Variants in STARD13 observed in about 807,000 individuals in gnomAD.
The protein encoded by STARD13 is StAR related lipid transfer domain containing 13.
Under a neutral mutation model 106.4 loss-of-function variants are expected in STARD13, and 62 were observed. The observed-to-expected ratio is 0.58, with a 90% CI of 0.48 to 0.72. The LOEUF (loss-of-function observed/expected upper bound fraction) is 0.72, where lower values mean the gene tolerates loss of function less well. Ranked by LOEUF, STARD13 falls within the 30% of genes least tolerant of loss-of-function variation. The pLI, the probability that STARD13 is intolerant of heterozygous loss-of-function variation, is 0.00. For missense variants in STARD13, 1,387 were observed against 1,424.0 expected (o/e 0.97, Z 0.42); for synonymous variants, 565 against 553.0 (o/e 1.02, Z -0.31).
intron 1 of STARD13, among the ~76,000 whole-genome samples, chr13:33,246,847 C>A (rs1314344603): frequency 6.6e-6 from 1 of 152,114 alleles, no homozygotes; most frequent in Non-Finnish European, 1.5e-5. Context: ...GATAAAATTT[C>A]AAAAGACAGT....
chr13:33,568,666 A>G, the STARD13 span, among the ~76,000 whole-genome samples: 1 of 148,246 alleles, frequency 6.7e-6, no homozygotes, highest in Non-Finnish European at 1.5e-5. Context: ...AGAAAGTCCC[A>G]GGTTATAAAC....
At chr13:33,159,857 T>C (rs1410993263) in intron 3 of STARD13, among the ~76,000 whole-genome samples, 1 of 152,210 alleles carries the variant, frequency 6.6e-6, no homozygotes, top group African/African-American at 2.4e-5. Context: ...TAGAGACATA[T>C]ACTGTGTTTA....
intron 7 of STARD13, among the ~76,000 whole-genome samples, chr13:33,121,960 C>T (rs906140105): frequency 2.6e-5 from 4 of 152,108 alleles, no homozygotes; most frequent in Admixed American, 1.3e-4. Context: ...ATTCTCCTGC[C>T]TCAGCCCCCT....
chr13:33,386,094 A>G, the STARD13 span, among the ~76,000 whole-genome samples: 18 of 152,130 alleles, frequency 1.2e-4, no homozygotes, highest in East Asian at 3.1e-3. Context: ...CTTTTTCAAC[A>G]TTTTGTCTTG....
chr13:33,370,873 G>A, the STARD13 span, among the ~76,000 whole-genome samples: 6 of 151,650 alleles, frequency 4.0e-5, no homozygotes, highest in Non-Finnish European at 8.8e-5. Flanking sequence ...CTCCCACCTC[G>A]GCCTCCCAAA....
At position 33,112,923 on chromosome 13, in the gene STARD13, T is replaced by C; in HGVS notation, c.2290A>G (p.Lys764Glu). 6.2e-7 allele frequency: 1 copy of C among 1,605,520 alleles called. No individual in the cohort carries two copies. Among genetic ancestry groups the C allele is most frequent in the Non-Finnish European group, 8.5e-7 (1 of 1,176,606 alleles). ...TGCACGGCCTGCAGCCGCTGCTCTT[T>C]GGAGACATCTGAGGAAAAGTGGATG... ...TFLHIYQYVSKEQRLQAVQAA... is the reference protein window; with the variant it reads ...TFLHIYQYVSEEQRLQAVQAA... The change falls in exon 9 of 14, where the codon AAA becomes GAA. Residue 764 changes from lysine to glutamate, a missense_variant. Physicochemically the swap from Lys to Glu is moderately conservative, Grantham distance 56. Coordinates refer to ENST00000336934, the MANE Select transcript of STARD13 (RefSeq NM_178006.4).
At chr13:33,240,208 G>T (rs985325167) in intron 1 of STARD13, among the ~76,000 whole-genome samples, 7 of 152,098 alleles carry the variant, frequency 4.6e-5, no homozygotes, top group Non-Finnish European at 1.0e-4. Context: ...ACGAGGATTT[G>T]TTCCTTGGCT....
At chr13:33,600,306 C>T in the STARD13 span, among the ~76,000 whole-genome samples, 1 of 152,124 alleles carries the variant, frequency 6.6e-6, no homozygotes, top group Middle Eastern at 3.2e-3. Context: ...TGATTTGACC[C>T]AGGATTTTTT....
At position 33,148,833 on chromosome 13, in the gene STARD13, T is replaced by C. The variant is rs528362367; in HGVS notation, c.324-6460A>G. On this transcript the variant is annotated intron_variant, in intron 3 of 13. Transcript: ENST00000336934. ...GAAAACAACTGATATGTCAGGTGAA[T>C]GGATAAACTGTGGTCCATGTGGGCA... Among the ~76,000 whole-genome samples, 4 of 152,362 alleles carry C rather than the reference T, an allele frequency of 2.6e-5. No homozygotes were observed. In the East Asian group the frequency reaches 5.8e-4, roughly 22 times the overall value.
At chr13:33,195,848 T>G (rs1004604301) in intron 1 of STARD13, among the ~76,000 whole-genome samples, 2 of 152,160 alleles carry the variant, frequency 1.3e-5, no homozygotes, top group African/African-American at 4.8e-5. Flanking sequence ...AGTTTTTTCA[T>G]CTGTAAAATG....
At chr13:33,279,625 A>C (rs1412533063) in intron 1 of STARD13, 1 of 152,222 alleles carries the variant, frequency 6.6e-6, no homozygotes, top group Non-Finnish European at 1.5e-5. Flanking sequence ...TGCTCCAGGC[A>C]ACTCCAATGG....
At chr13:33,660,532 T>C in the STARD13 span, among the ~76,000 whole-genome samples, 13 of 152,226 alleles carry the variant, frequency 8.5e-5, no homozygotes, top group African/African-American at 2.9e-4. Context: ...GGTGGTTCTC[T>C]CTGTACTGTC....
chr13:33,163,686 TATATATATATAACATATATATAAAAC>T lies in STARD13; in HGVS notation c.323+1625_323+1650del, dbSNP rs1566038825. 1.1e-4 allele frequency among the ~76,000 whole-genome samples: 7 copies of T among 64,872 alleles called. No individual in the cohort carries two copies. The East Asian group carries it at 3.5e-3, about 32-fold the overall frequency. The allele number at this position is 64,872 out of a possible 152,430, so 42.6% of individuals were successfully genotyped here. A position where few individuals can be genotyped will look rare whatever the true frequency, so the allele number is the denominator to read the frequency against. On this transcript the variant is annotated intron_variant, in intron 3 of 13. Transcript: ENST00000336934. ...ATATATATAACATATATATAAAACA[TATATATATATAACATATATATAAAAC>T]ATATATATAACATATATAAAACATA... is the stretch of plus-strand genomic sequence containing the variant.
the STARD13 span, among the ~76,000 whole-genome samples, chr13:33,522,402 T>C: frequency 6.6e-6 from 1 of 152,122 alleles, no homozygotes; most frequent in Admixed American, 6.6e-5. Context: ...AAGCCCATAG[T>C]GTACAGTAGG....
At chr13:33,664,020 G>A in the STARD13 span, among the ~76,000 whole-genome samples, 4 of 152,182 alleles carry the variant, frequency 2.6e-5, no homozygotes, top group Non-Finnish European at 5.9e-5. Flanking sequence ...CTGCAGGCAG[G>A]GAGGAACGCA....
At chr13:33,577,130 G>T in the STARD13 span, among the ~76,000 whole-genome samples, 1 of 152,152 alleles carries the variant, frequency 6.6e-6, no homozygotes, top group African/African-American at 2.4e-5. Context: ...CTTTACTGCA[G>T]AAACTTATTC....
At chr13:33,143,059 A>G (rs745499956) in intron 3 of STARD13, among the ~76,000 whole-genome samples, 12 of 152,218 alleles carry the variant, frequency 7.9e-5, no homozygotes, top group Non-Finnish European at 1.3e-4. Flanking sequence ...GAAGGCAGAC[A>G]TCTACAGGTC....
chr13:33,435,094 C>G, the STARD13 span, among the ~76,000 whole-genome samples: 1 of 152,062 alleles, frequency 6.6e-6, no homozygotes, highest in African/African-American at 2.4e-5. Flanking sequence ...GACAGCCAAG[C>G]TAAGTTATGG....
the STARD13 span, chr13:33,359,468 G>C: frequency 1.7e-5 from 3 of 177,146 alleles, no homozygotes; most frequent in African/African-American, 4.8e-5. Flanking sequence ...CACTCACCGC[G>C]AGGGTCCACG....
Sources: gnomAD v4.1 joint callset for allele counts (sites outside exome capture counted in the v4.1 genomes callset) on GRCh38, gnomAD v4.1.1 for gene constraint, MANE v1.5 for transcripts, NCBI Gene and HGNC (gene_info 2026-07-23, HGNC 2026-07-21) for gene names.